DYNC1I1: variants seen among roughly 807,000 people sequenced by gnomAD.
The protein encoded by DYNC1I1 is dynein cytoplasmic 1 intermediate chain 1.
DYNC1I1 carries 43 observed loss-of-function variants against 86.6 expected under a neutral mutation model. The ratio of observed to expected loss-of-function variants is 0.50; its 90% CI spans 0.39 to 0.64. The LOEUF is 0.64. DYNC1I1 is among the 30% of genes least tolerant of loss of function. DYNC1I1 has a pLI of 0.00. For missense variants in DYNC1I1, 604 were observed against 788.8 expected, an observed-to-expected ratio of 0.77 and a Z score of 2.81; for synonymous variants, 262 against 283.7, an observed-to-expected ratio of 0.92 and a Z score of 0.77.
intron 11 of DYNC1I1, among the ~76,000 whole-genome samples, chr7:96,029,606 G>A (rs1463884960): frequency 6.6e-6 from 1 of 152,096 alleles, no homozygotes; most frequent in Non-Finnish European, 1.5e-5. Flanking sequence ...CAAACTTACT[G>A]ATGTTATTTC....
intron 16 of DYNC1I1, among the ~76,000 whole-genome samples, chr7:96,090,019 T>C: frequency 6.6e-6 from 1 of 151,456 alleles, no homozygotes; most frequent in Admixed American, 6.6e-5. Flanking sequence ...AAACAAGTTA[T>C]TCATGTTTAG....
intron 6 of DYNC1I1, among the ~76,000 whole-genome samples, chr7:95,883,118 G>A (rs543270926): frequency 4.6e-5 from 7 of 152,204 alleles, no homozygotes. Context: ...TTTATTAATA[G>A]CACCTTTTAT....
intron 9 of DYNC1I1, among the ~76,000 whole-genome samples, chr7:95,995,508 T>G (rs1213245105): frequency 6.6e-6 from 1 of 152,116 alleles, no homozygotes; most frequent in East Asian, 1.9e-4. Context: ...ATTTGAAAAT[T>G]ACCAGCATGT....
intron 6 of DYNC1I1, among the ~76,000 whole-genome samples, chr7:95,871,146 G>A (rs1478275770): frequency 6.6e-6 from 1 of 152,190 alleles, no homozygotes; most frequent in Non-Finnish European, 1.5e-5. Flanking sequence ...ATTCCTTGAA[G>A]TCCGGGGTGC....
intron 10 of DYNC1I1, among the ~76,000 whole-genome samples, chr7:96,017,437 G>C (rs1794431262): frequency 6.6e-6 from 1 of 152,156 alleles, no homozygotes; most frequent in South Asian, 2.1e-4. Context: ...TTGGCAGTCA[G>C]TACTGAAAAA....
chr7:96,092,753 C>A (rs955734378), intron 16 of DYNC1I1, among the ~76,000 whole-genome samples: 1 of 152,122 alleles, frequency 6.6e-6, no homozygotes, highest in African/African-American at 2.4e-5. Flanking sequence ...CTCTGGGAGG[C>A]TAAAATGATA....
chr7:95,806,155 T>G (rs1050445586), intron 2 of DYNC1I1, among the ~76,000 whole-genome samples: 3 of 152,172 alleles, frequency 2.0e-5, no homozygotes, highest in Admixed American at 1.3e-4. Context: ...AAAAAAGCAT[T>G]AAGTTATTAT....
chr7:95,992,656 G>A (rs184703784), intron 9 of DYNC1I1, among the ~76,000 whole-genome samples: 17 of 151,892 alleles, frequency 1.1e-4, no homozygotes, highest in Admixed American at 9.8e-4. Context: ...GTCTTACTGT[G>A]TCACCCAGAC....
At chr7:95,940,548 T>C (rs568720713) in intron 6 of DYNC1I1, among the ~76,000 whole-genome samples, 4 of 152,324 alleles carry the variant, frequency 2.6e-5, no homozygotes, top group African/African-American at 7.2e-5. Flanking sequence ...TTCATTCATT[T>C]CATCTTCCAT....
chr7:95,888,319 C>G (rs1790649637), intron 6 of DYNC1I1, among the ~76,000 whole-genome samples: 1 of 152,080 alleles, frequency 6.6e-6, no homozygotes, highest in African/African-American at 2.4e-5. Flanking sequence ...CGCCTGTAGT[C>G]CCAGCTACTT....
intron 14 of DYNC1I1, among the ~76,000 whole-genome samples, chr7:96,050,776 A>T (rs1387523315): frequency 6.6e-6 from 1 of 151,898 alleles, no homozygotes; most frequent in Non-Finnish European, 1.5e-5. Context: ...TTCTTTGATG[A>T]CTTTGCTGCT....
At chr7:96,058,307 C>T (rs1001896372) in intron 14 of DYNC1I1, among the ~76,000 whole-genome samples, 11 of 152,162 alleles carry the variant, frequency 7.2e-5, no homozygotes, top group African/African-American at 2.7e-4. Flanking sequence ...AGAATAGAAA[C>T]GTGACACGAT....
chr7:95,947,809 A>C (rs1424231036), intron 6 of DYNC1I1, among the ~76,000 whole-genome samples: 1 of 152,196 alleles, frequency 6.6e-6, no homozygotes, highest in Non-Finnish European at 1.5e-5. Context: ...AGCTGAGAGA[A>C]AAGAGGTGAA....
intron 4 of DYNC1I1, chr7:95,818,624 G>A: frequency 3.7e-6 from 2 of 546,872 alleles, no homozygotes; most frequent in Non-Finnish European, 6.6e-6. Flanking sequence ...GAGATTACAG[G>A]CAGGACCCAT....
chr7:95,786,220 G>A (rs1427000242), intron 1 of DYNC1I1, among the ~76,000 whole-genome samples: 1 of 152,052 alleles, frequency 6.6e-6, no homozygotes, highest in Non-Finnish European at 1.5e-5. Flanking sequence ...ATTGCGCCCT[G>A]CCACCTCAAA....
At chr7:96,071,031 A>G (rs1214959550) in intron 14 of DYNC1I1, among the ~76,000 whole-genome samples, 2 of 152,210 alleles carry the variant, frequency 1.3e-5, no homozygotes, top group Non-Finnish European at 2.9e-5. Context: ...TTCATTTTTT[A>G]AACAGATTTC....
intron 6 of DYNC1I1, among the ~76,000 whole-genome samples, chr7:95,900,054 A>T (rs892922350): frequency 2.0e-5 from 3 of 152,164 alleles, no homozygotes; most frequent in Non-Finnish European, 2.9e-5. Flanking sequence ...GATGACCCAG[A>T]AAGGGTCTGC....
At chr7:95,977,113 G>C (rs910694210) in intron 6 of DYNC1I1, among the ~76,000 whole-genome samples, 1 of 152,124 alleles carries the variant, frequency 6.6e-6, no homozygotes, top group Admixed American at 6.6e-5. Flanking sequence ...GAATTAAATT[G>C]GAAATGAGTC....
intron 6 of DYNC1I1, among the ~76,000 whole-genome samples, chr7:95,879,283 C>T (rs1790389222): frequency 6.6e-6 from 1 of 152,094 alleles, no homozygotes; most frequent in Admixed American, 6.6e-5. Context: ...TTGTATTATT[C>T]AGCCTATAAC....
Sources: allele counts gnomAD v4.1 joint callset (sites outside exome capture counted in the v4.1 genomes callset), GRCh38; gene constraint gnomAD v4.1.1; transcripts MANE v1.5; gene names NCBI Gene and HGNC (gene_info 2026-07-23, HGNC 2026-07-21).